CCDC62: variants seen among roughly 807,000 people sequenced by gnomAD.
The protein encoded by CCDC62 is coiled-coil domain-containing protein 62.
Under a neutral mutation model 80.8 loss-of-function variants are expected in CCDC62, and 72 were observed. The observed-to-expected ratio is 0.89, with a 90% CI of 0.74 to 1.08. CCDC62 has a LOEUF of 1.08. Among genes scored for constraint, CCDC62 ranks in the 50% least tolerant of loss-of-function variants. The pLI, the probability that CCDC62 is intolerant of heterozygous loss-of-function variation, is 0.00. For synonymous variants in CCDC62, 286 were observed against 296.5 expected (o/e 0.96, Z 0.36); for missense variants, 704 against 809.4 (o/e 0.87, Z 1.58).
chr12:122,778,913 A>G (rs567823459), intron 2 of CCDC62, among the ~76,000 whole-genome samples: 1 of 152,188 alleles, frequency 6.6e-6, no homozygotes, highest in Non-Finnish European at 1.5e-5. Context: ...ACCCAAATAT[A>G]TGATTTTTTC....
At chr12:122,801,910 T>C (rs967891403) in intron 9 of CCDC62, 58 bp downstream of exon 9, 15 of 1,549,298 alleles carry the variant, frequency 9.7e-6, no homozygotes, top group South Asian at 1.2e-5. Context: ...TATTTGGAAA[T>C]ACAAAGGGTG....
chr12:122,827,116 T>C lies in CCDC62; in HGVS notation c.*735T>C, dbSNP rs1428808090. 1.3e-5 allele frequency: 2 copies of C among 152,218 alleles called. No individual in the cohort carries two copies. The allele number at this position is 152,218 out of a possible 1,614,324, so 9.4% of individuals were successfully genotyped here. A position where few individuals can be genotyped will look rare whatever the true frequency, so the allele number is the denominator to read the frequency against. Reference sequence around the variant, plus strand: ...ACTTCCATTTTAACTTGTAAAGTAATTTAATTTTTTAAAGATTATACTATA... The same window carrying C: ...ACTTCCATTTTAACTTGTAAAGTAACTTAATTTTTTAAAGATTATACTATA... On this transcript the variant is annotated 3_prime_UTR_variant, in exon 13 of 13. Transcript: ENST00000253079.
intron 9 of CCDC62, among the ~76,000 whole-genome samples, chr12:122,804,890 T>C (rs1250015727): frequency 6.6e-6 from 1 of 150,528 alleles, no homozygotes; most frequent in Non-Finnish European, 1.5e-5. Context: ...CCATTTTTTT[T>C]TTTTTTTTTT....
At chr12:122,812,136 T>A (rs560620135) in intron 10 of CCDC62, among the ~76,000 whole-genome samples, 20 of 152,104 alleles carry the variant, frequency 1.3e-4, no homozygotes, top group Non-Finnish European at 2.6e-4. Context: ...ATTATTTAAC[T>A]GAGTAGGTTC....
chr12:122,787,023 G>A (rs777804789), intron 4 of CCDC62, among the ~76,000 whole-genome samples: 19 of 152,170 alleles, frequency 1.2e-4, no homozygotes, highest in Non-Finnish European at 1.9e-4. Flanking sequence ...TAGTCAAGTA[G>A]CAGACAGTTT....
Position 122,777,521 on chromosome 12 carries a change from A to G in CCDC62, c.67A>G (p.Ile23Val). Residue 23 changes from isoleucine (I) to valine (V), a missense_variant, in exon 2 of 13, where the codon ATC becomes GTC. Transcript: ENST00000253079. ...NIGSEVEISTIEKQRKELQLL... is the reference protein window; with the variant it reads ...NIGSEVEISTVEKQRKELQLL... ...CGGGTCAGAAGTTGAGATTTCCACT[A>G]TCGAGAAACAACGGAAGGAGCTGCA... 2 of 1,613,894 alleles carry G rather than the reference A, an allele frequency of 1.2e-6. No homozygotes were observed. The highest frequency in any genetic ancestry group is 1.7e-6 in the Non-Finnish European group (2 of 1,179,838).
chr12:122,799,464 G>C (rs2031162984), intron 8 of CCDC62, among the ~76,000 whole-genome samples: 1 of 152,190 alleles, frequency 6.6e-6, no homozygotes, highest in Non-Finnish European at 1.5e-5. Flanking sequence ...CACCGAGGGT[G>C]ATCTGTGCCC....
intron 10 of CCDC62, among the ~76,000 whole-genome samples, chr12:122,811,526 T>TAAA (rs142704099): frequency 9.8e-5 from 14 of 142,146 alleles, no homozygotes; most frequent in Admixed American, 4.9e-4. Context: ...TAAGTTTTCT[T>TAAA]AAAAAAAAAA....
At chr12:122,794,864 C>T (rs1284002638) in intron 6 of CCDC62, among the ~76,000 whole-genome samples, 7 of 151,984 alleles carry the variant, frequency 4.6e-5, no homozygotes, top group African/African-American at 9.7e-5. Context: ...GGCAGGGTCT[C>T]GCTATGTGGC....
At chr12:122,815,045 C>G (rs539506437) in intron 11 of CCDC62, among the ~76,000 whole-genome samples, 1 of 152,074 alleles carries the variant, frequency 6.6e-6, no homozygotes, top group Non-Finnish European at 1.5e-5. Context: ...CCTCCTGCCT[C>G]AGCCTCCCAA....
intron 11 of CCDC62, among the ~76,000 whole-genome samples, chr12:122,819,169 C>A (rs566388387): frequency 6.6e-6 from 1 of 152,302 alleles, no homozygotes. Context: ...TACCTGGCAA[C>A]ACGCTTTACA....
At chr12:122,826,382 T>G (rs2032633881) in intron 12 of CCDC62, 40 bp from the exon 13 acceptor site, 1 of 775,654 alleles carries the variant, frequency 1.3e-6, no homozygotes, top group African/African-American at 1.7e-5. Context: ...ATTAATTGAT[T>G]GTATTTTATT....
rs747285720 is a variant in CCDC62 at position 122,781,333 on chromosome 12, T to C, written c.396+3T>C. ...CTCTTCTCTCTGAAGACCTTGAGGT[T>C]GGGATTAGTTTTTGATAAGCTTCAC... On this transcript the variant is annotated splice_donor_region_variant and intron_variant, in intron 3 of 12. Coordinates refer to ENST00000253079, the MANE Select transcript of CCDC62 (RefSeq NM_201435.5). 1.2e-6 allele frequency: 2 copies of C among 1,611,802 alleles called. No individual in the cohort carries two copies. Among genetic ancestry groups the C allele is most frequent in the Admixed American group, 3.4e-5 (2 of 59,088 alleles).
chr12:122,796,049 A>G (rs2030934885), intron 6 of CCDC62, among the ~76,000 whole-genome samples: 1 of 152,232 alleles, frequency 6.6e-6, no homozygotes, highest in Non-Finnish European at 1.5e-5. Context: ...AAACCCAGCC[A>G]TGGAGAAAAC....
chr12:122,822,436 G>T (rs2032448659), intron 11 of CCDC62, among the ~76,000 whole-genome samples: 1 of 151,866 alleles, frequency 6.6e-6, no homozygotes, highest in Non-Finnish European at 1.5e-5. Flanking sequence ...TCATGGTGCT[G>T]TGCAATAGAT....
At chr12:122,822,184 A>G (rs1288559594) in intron 11 of CCDC62, among the ~76,000 whole-genome samples, 4 of 148,032 alleles carry the variant, frequency 2.7e-5, no homozygotes, top group Admixed American at 6.8e-5. Context: ...GCTCACTACA[A>G]CCTCCACCTC....
At chr12:122,790,897 AATT>A (rs1450820647) in intron 5 of CCDC62, among the ~76,000 whole-genome samples, 1 of 151,892 alleles carries the variant, frequency 6.6e-6, no homozygotes, top group Non-Finnish European at 1.5e-5. Context: ...TCACTTAGGA[AATT>A]CCACAAGTTT....
chr12:122,779,937 C>A (rs1301864182), intron 2 of CCDC62, among the ~76,000 whole-genome samples: 1 of 134,746 alleles, frequency 7.4e-6, no homozygotes, highest in Non-Finnish European at 1.6e-5. Flanking sequence ...AAAAAAGATG[C>A]ATGTAAAAGA....
chr12:122,805,216 A>G (rs1174922549), intron 9 of CCDC62, among the ~76,000 whole-genome samples: 9 of 127,612 alleles, frequency 7.1e-5, no homozygotes, highest in African/African-American at 2.7e-4. Flanking sequence ...TTTTGTGAGA[A>G]TTAGTCTGTT....
Sources: gnomAD v4.1 joint callset for allele counts (sites outside exome capture counted in the v4.1 genomes callset) on GRCh38, gnomAD v4.1.1 for gene constraint, MANE v1.5 for transcripts, NCBI Gene and HGNC (gene_info 2026-07-23, HGNC 2026-07-21) for gene names.